Variants in DNAJA3 observed in about 807,000 individuals in gnomAD.
DNAJA3 encodes the protein dnaJ homolog subfamily A member 3, mitochondrial.
DNAJA3 carries 29 observed loss-of-function variants against 54.9 expected under a neutral mutation model. The ratio of observed to expected loss-of-function variants is 0.53; its 90% CI spans 0.39 to 0.72. DNAJA3 has a LOEUF of 0.72. Ranked by LOEUF, DNAJA3 falls within the 30% of genes least tolerant of loss-of-function variation. The pLI is 0.00. For missense variants in DNAJA3, 708 were observed against 639.4 expected, an observed-to-expected ratio of 1.11 and a Z score of -1.16; for synonymous variants, 302 against 251.4, an observed-to-expected ratio of 1.20 and a Z score of -1.90.
At chr16:4,448,667 G>A (rs1399650263) in intron 8 of DNAJA3, 66 bp from the exon 9 acceptor site, 2 of 1,079,588 alleles carry the variant, frequency 1.9e-6, no homozygotes, top group African/African-American at 3.1e-5. Context: ...TTGTCTTCAT[G>A]TAGTGAAAAC....
intron 4 of DNAJA3, among the ~76,000 whole-genome samples, 176 bp from the exon 5 acceptor site, chr16:4,442,092 T>G (rs1035718389): frequency 6.6e-6 from 1 of 152,036 alleles, no homozygotes; most frequent in African/African-American, 2.4e-5. Flanking sequence ...TCCCAAAGAG[T>G]AGGGCAGAAT....
intron 1 of DNAJA3, among the ~76,000 whole-genome samples, chr16:4,429,290 C>T (rs2056663744): frequency 1.3e-5 from 2 of 152,098 alleles, no homozygotes; most frequent in African/African-American, 4.8e-5. Flanking sequence ...TCACCGTGAT[C>T]TCGGCTCACC....
At chr16:4,453,599 T>C (rs2057001959) in intron 10 of DNAJA3, among the ~76,000 whole-genome samples, 1 of 152,062 alleles carries the variant, frequency 6.6e-6, no homozygotes, top group East Asian at 1.9e-4. Context: ...CGCCCCTGGC[T>C]AATTTTTTGT....
At chr16:4,438,635 CTTTTTTTTTT>C (rs56211652) in intron 3 of DNAJA3, among the ~76,000 whole-genome samples, 1 of 110,648 alleles carries the variant, frequency 9.0e-6, no homozygotes, top group Non-Finnish European at 1.7e-5. Context: ...ACAATCTTTT[CTTTTTTTTTT>C]TTTTTTTTTG....
At chr16:4,455,504 G>C in intron 11 of DNAJA3, 42 bp from the exon 12 acceptor site, 1 of 1,550,780 alleles carries the variant, frequency 6.4e-7, no homozygotes, top group Non-Finnish European at 8.7e-7. Context: ...GTGTTCCCTT[G>C]AAATGTTGAG....
intron 11 of DNAJA3, 200 bp from the exon 12 acceptor site, chr16:4,455,346 C>A: frequency 1.6e-6 from 1 of 634,506 alleles, no homozygotes; most frequent in Admixed American, 2.6e-5. Context: ...GCTGTGCAAG[C>A]CTGGGGGCTG....
intron 1 of DNAJA3, chr16:4,433,156 C>T (rs1483071622): frequency 6.6e-6 from 1 of 152,182 alleles, no homozygotes; most frequent in African/African-American, 2.4e-5. Context: ...AACAAAAAAC[C>T]TGCTCTTCCT....
chr16:4,428,753 A>G (rs554939190), intron 1 of DNAJA3, among the ~76,000 whole-genome samples: 8 of 152,274 alleles, frequency 5.3e-5, no homozygotes, highest in South Asian at 2.1e-4. Context: ...AGAGTCATCA[A>G]CTGGTTGGGC....
intron 1 of DNAJA3, 60 bp from the exon 2 acceptor site, chr16:4,434,324 C>CA: frequency 6.3e-7 from 1 of 1,582,786 alleles, no homozygotes; most frequent in Non-Finnish European, 8.6e-7. Context: ...GTCATGTACT[C>CA]ACAGTTTTCT....
At chr16:4,447,168 T>C (rs1037030305) in intron 8 of DNAJA3, 154 bp downstream of exon 8, 15 of 852,274 alleles carry the variant, frequency 1.8e-5, no homozygotes, top group Non-Finnish European at 2.5e-5. Flanking sequence ...GGCTGCTCCT[T>C]GAGTGTGGAC....
intron 1 of DNAJA3, among the ~76,000 whole-genome samples, chr16:4,429,364 C>T (rs62039178): frequency 0.53 from 80,111 of 151,860 alleles, 25,098 homozygotes; most frequent in Non-Finnish European, 0.7. Context: ...GCTGGGACTA[C>T]AGGCACGTGC....
At chr16:4,444,095 A>G (rs1371953430) in intron 6 of DNAJA3, among the ~76,000 whole-genome samples, 1 of 152,194 alleles carries the variant, frequency 6.6e-6, no homozygotes, top group African/African-American at 2.4e-5. Flanking sequence ...GTTAACACCC[A>G]TCACCCCAGT....
chr16:4,441,076 A>C, intron 3 of DNAJA3: 1 of 463,742 alleles, frequency 2.2e-6, no homozygotes, highest in Non-Finnish European at 3.8e-6. Context: ...ATCTGTGAAG[A>C]ATCCAGGGTG....
At chr16:4,454,625 C>G (rs981793685) in intron 10 of DNAJA3, among the ~76,000 whole-genome samples, 186 bp from the exon 11 acceptor site, 1 of 152,372 alleles carries the variant, frequency 6.6e-6, no homozygotes, top group Middle Eastern at 3.4e-3. Flanking sequence ...GCCTGTTCAC[C>G]TCAGTCGTCT....
chr16:4,443,235 G>C (rs1475737405), intron 6 of DNAJA3, 71 bp downstream of exon 6: 2 of 1,576,310 alleles, frequency 1.3e-6, no homozygotes, highest in Non-Finnish European at 1.7e-6. Flanking sequence ...CACACCGTGT[G>C]GAGAGGGTGG....
chr16:4,445,628 G>A (rs1324244693), intron 7 of DNAJA3, among the ~76,000 whole-genome samples: 4 of 152,154 alleles, frequency 2.6e-5, no homozygotes. Flanking sequence ...TTGGCTCACT[G>A]TAGCCTCAGA....
chr16:4,443,233 G>T, intron 6 of DNAJA3, 69 bp downstream of exon 6: 1 of 1,578,370 alleles, frequency 6.3e-7, no homozygotes. Flanking sequence ...ACCACACCGT[G>T]TGGAGAGGGT....
intron 6 of DNAJA3, 23 bp from the exon 7 acceptor site, chr16:4,444,641 T>A (rs1267292322): frequency 1.2e-6 from 2 of 1,612,402 alleles, no homozygotes; most frequent in Non-Finnish European, 1.7e-6. Context: ...GCCTAACTTC[T>A]CCCTTTCTAA....
intron 1 of DNAJA3, among the ~76,000 whole-genome samples, chr16:4,427,972 G>A (rs2056645604): frequency 6.7e-6 from 1 of 150,218 alleles, no homozygotes; most frequent in African/African-American, 2.5e-5. Context: ...TTTTTTTTGA[G>A]ACGGAGTCTC....
Sources: allele counts gnomAD v4.1 joint callset (sites outside exome capture counted in the v4.1 genomes callset), GRCh38; gene constraint gnomAD v4.1.1; transcripts MANE v1.5; gene names NCBI Gene and HGNC (gene_info 2026-07-23, HGNC 2026-07-21).